RPS6KC1: variants seen among roughly 807,000 people sequenced by gnomAD.
The protein encoded by RPS6KC1 is ribosomal protein S6 kinase C1, also known as inactive ribosomal protein S6 kinase delta-1.
A neutral mutation model predicts 103.8 loss-of-function variants in RPS6KC1; 54 were observed. The observed-to-expected ratio is 0.52, with a 90% CI of 0.42 to 0.65. RPS6KC1 has a LOEUF of 0.65. Among genes scored for constraint, RPS6KC1 ranks in the 30% least tolerant of loss-of-function variants. RPS6KC1 has a pLI of 0.00. For missense variants in RPS6KC1, 1,151 were observed against 1,253.8 expected (o/e 0.92, Z 1.24); for synonymous variants, 439 against 438.7 (o/e 1.00, Z -0.01).
Position 213,241,897 on chromosome 1 carries a change from A to C in RPS6KC1, c.2421A>C (p.Ser807=). 1 of 1,614,018 alleles carries C rather than the reference A, an allele frequency of 6.2e-7. No individual in the cohort carries two copies. The highest frequency in any genetic ancestry group is 8.5e-7 in the Non-Finnish European group (1 of 1,179,940). ...TTCAAGGACTTGGAGTGGTTGAGTC[A>C]GCAGTAACTGCAAACAACACAGAAG... ...PKFQGLGVVE[S]AVTANNTEES... Residue 807 remains serine (S), a synonymous_variant, in exon 11 of 15, where the codon TCA becomes TCC. Transcript: ENST00000366960.
the RPS6KC1 span, among the ~76,000 whole-genome samples, chr1:213,454,138 T>C: frequency 1.0e-4 from 13 of 130,492 alleles, no homozygotes; most frequent in Admixed American, 8.7e-4. Flanking sequence ...ATGCAGATTT[T>C]TGACCACATG....
the RPS6KC1 span, among the ~76,000 whole-genome samples, chr1:213,331,674 C>T: frequency 6.6e-6 from 1 of 152,156 alleles, no homozygotes; most frequent in Non-Finnish European, 1.5e-5. Flanking sequence ...GAGCTGTCTG[C>T]ACAGGGAAGT....
intron 3 of RPS6KC1, among the ~76,000 whole-genome samples, chr1:213,101,546 A>C (rs559214550): frequency 6.6e-6 from 1 of 152,322 alleles, no homozygotes; most frequent in Admixed American, 6.5e-5. Context: ...AATGGAGAAG[A>C]TTAAAGCCTC....
the RPS6KC1 span, among the ~76,000 whole-genome samples, chr1:213,635,046 C>T: frequency 6.6e-6 from 1 of 152,146 alleles, no homozygotes; most frequent in Non-Finnish European, 1.5e-5. Context: ...TTCCCGGACA[C>T]ATACACCCTC....
chr1:213,076,302 G>A (rs562808070), intron 2 of RPS6KC1, among the ~76,000 whole-genome samples: 1 of 152,128 alleles, frequency 6.6e-6, no homozygotes, highest in Non-Finnish European at 1.5e-5. Context: ...ATTAATTAAG[G>A]TAGAATTTTT....
At chr1:213,696,185 A>G in the RPS6KC1 span, among the ~76,000 whole-genome samples, 1 of 152,260 alleles carries the variant, frequency 6.6e-6, no homozygotes, top group East Asian at 1.9e-4. Context: ...TTCCTTGATT[A>G]CTGCTATTCT....
the RPS6KC1 span, among the ~76,000 whole-genome samples, chr1:213,738,117 G>A: frequency 2.4e-4 from 36 of 152,218 alleles, no homozygotes; most frequent in East Asian, 5.8e-3. Context: ...AACCAGACTA[G>A]CCAGAACAGC....
intron 6 of RPS6KC1, among the ~76,000 whole-genome samples, chr1:213,153,003 C>T (rs893737159): frequency 9.9e-5 from 15 of 152,216 alleles, no homozygotes; most frequent in Non-Finnish European, 1.3e-4. Context: ...CTCAGGAGGC[C>T]GAGGCTGGTG....
the RPS6KC1 span, among the ~76,000 whole-genome samples, chr1:213,787,835 C>T: frequency 6.6e-6 from 1 of 152,130 alleles, no homozygotes; most frequent in South Asian, 2.1e-4. Context: ...ATACACTGTA[C>T]TTCTATGGAA....
chr1:213,668,902 C>T, the RPS6KC1 span, among the ~76,000 whole-genome samples: 1 of 152,232 alleles, frequency 6.6e-6, no homozygotes. Flanking sequence ...TGGCTTCTAA[C>T]TTTTCTTCTG....
At chr1:213,439,633 C>T in the RPS6KC1 span, among the ~76,000 whole-genome samples, 1 of 152,146 alleles carries the variant, frequency 6.6e-6, no homozygotes, top group African/African-American at 2.4e-5. Context: ...AACTCAGATG[C>T]AGGCCTCACA....
chr1:213,838,873 C>A, the RPS6KC1 span, among the ~76,000 whole-genome samples: 1 of 152,150 alleles, frequency 6.6e-6, no homozygotes, highest in Non-Finnish European at 1.5e-5. Flanking sequence ...TGTCAAAATT[C>A]TATGTTTAAA....
At chr1:213,754,650 TC>T in the RPS6KC1 span, among the ~76,000 whole-genome samples, 4 of 152,288 alleles carry the variant, frequency 2.6e-5, no homozygotes, top group Non-Finnish European at 4.4e-5. Flanking sequence ...CCCTGAGGCC[TC>T]CCCAGAAGCA....
At chr1:213,523,179 G>A in the RPS6KC1 span, among the ~76,000 whole-genome samples, 2 of 152,188 alleles carry the variant, frequency 1.3e-5, no homozygotes, top group Non-Finnish European at 2.9e-5. Flanking sequence ...AGAGAGATGG[G>A]GGAGCAGCTG....
intron 8 of RPS6KC1, among the ~76,000 whole-genome samples, chr1:213,228,337 G>A (rs562316844): frequency 1.3e-5 from 2 of 152,218 alleles, no homozygotes; most frequent in East Asian, 3.9e-4. Context: ...TACTGTTACC[G>A]ACTATTATAG....
At chr1:213,549,244 T>A in the RPS6KC1 span, among the ~76,000 whole-genome samples, 2 of 152,036 alleles carry the variant, frequency 1.3e-5, no homozygotes, top group African/African-American at 4.8e-5. Flanking sequence ...AAGCAATGGA[T>A]CACCAGGGCC....
At chr1:213,674,080 A>G in the RPS6KC1 span, among the ~76,000 whole-genome samples, 65 of 152,070 alleles carry the variant, frequency 4.3e-4, 2 homozygotes, top group African/African-American at 1.4e-3. Context: ...GTGCAGTGGC[A>G]TGATCTCAGC....
chr1:213,554,890 A>T, the RPS6KC1 span, among the ~76,000 whole-genome samples: 2 of 152,100 alleles, frequency 1.3e-5, no homozygotes, highest in South Asian at 2.1e-4. Context: ...ATTTTAATAA[A>T]TTTTTTCCCA....
intron 4 of RPS6KC1, among the ~76,000 whole-genome samples, chr1:213,105,693 A>G (rs2082421335): frequency 6.6e-6 from 1 of 152,166 alleles, no homozygotes; most frequent in African/African-American, 2.4e-5. Context: ...TTAATTTTTC[A>G]CCATTCTGCA....
Sources: gnomAD v4.1 joint callset for allele counts (sites outside exome capture counted in the v4.1 genomes callset) on GRCh38, gnomAD v4.1.1 for gene constraint, MANE v1.5 for transcripts, NCBI Gene and HGNC (gene_info 2026-07-23, HGNC 2026-07-21) for gene names.